Variants in CTNNA3 observed in about 807,000 individuals in gnomAD.
CTNNA3 encodes the protein catenin alpha-3.
Under a neutral mutation model 95.7 loss-of-function variants are expected in CTNNA3, and 76 were observed. That is an observed-to-expected ratio of 0.79 (90% CI 0.66 to 0.96). The LOEUF (loss-of-function observed/expected upper bound fraction) is 0.96. Ranked by LOEUF, CTNNA3 falls within the 40% of genes least tolerant of loss-of-function variation. CTNNA3 has a pLI of 0.00. For missense variants in CTNNA3, 1,191 were observed against 1,089.8 expected, an observed-to-expected ratio of 1.09 and a Z score of -1.31; for synonymous variants, 431 against 374.4, an observed-to-expected ratio of 1.15 and a Z score of -1.74.
chr10:67,124,333 G>GGTGTGT (rs141981196), intron 7 of CTNNA3, among the ~76,000 whole-genome samples: 4,285 of 141,824 alleles, frequency 0.03, 72 homozygotes, highest in African/African-American at 0.052. Context: ...GTGTGTTAGC[G>GGTGTGT]GTGTGTGTGT....
At chr10:67,344,538 T>G (rs1052805247) in intron 5 of CTNNA3, among the ~76,000 whole-genome samples, 1 of 152,146 alleles carries the variant, frequency 6.6e-6, no homozygotes, top group African/African-American at 2.4e-5. Context: ...GGTATTGATC[T>G]GTTCAGGTTT....
intron 7 of CTNNA3, among the ~76,000 whole-genome samples, chr10:67,094,214 A>C (rs1451913082): frequency 6.6e-6 from 1 of 151,918 alleles, no homozygotes; most frequent in East Asian, 1.9e-4. Context: ...TCCCTTACAA[A>C]TTTAGATAAT....
intron 5 of CTNNA3, among the ~76,000 whole-genome samples, chr10:67,444,595 G>A (rs1311900520): frequency 2.6e-5 from 4 of 151,850 alleles, no homozygotes; most frequent in Admixed American, 6.6e-5. Context: ...ACAAAAGATC[G>A]ATGAAATGAA....
At chr10:65,990,878 G>T (rs929978025) in intron 15 of CTNNA3, among the ~76,000 whole-genome samples, 1 of 151,900 alleles carries the variant, frequency 6.6e-6, no homozygotes, top group African/African-American at 2.4e-5. Flanking sequence ...TTTTCTTCAA[G>T]CAGTTTTATA....
At chr10:66,406,934 G>GT (rs1380784493) in intron 11 of CTNNA3, among the ~76,000 whole-genome samples, 1 of 152,032 alleles carries the variant, frequency 6.6e-6, no homozygotes, top group Admixed American at 6.6e-5. Context: ...GATTTCTTAA[G>GT]TTTTAAAAGG....
intron 7 of CTNNA3, among the ~76,000 whole-genome samples, chr10:66,824,046 CTT>C (rs57827121): frequency 6.8e-6 from 1 of 147,404 alleles, no homozygotes; most frequent in African/African-American, 2.5e-5. Flanking sequence ...ATGCCATACT[CTT>C]TTTTTTTTTT....
intron 8 of CTNNA3, among the ~76,000 whole-genome samples, chr10:66,771,985 G>C (rs1417966067): frequency 6.6e-6 from 1 of 151,962 alleles, no homozygotes; most frequent in Non-Finnish European, 1.5e-5. Context: ...CTGGAATTTA[G>C]TTGCTTATGA....
At chr10:66,197,329 T>A (rs975265388) in intron 13 of CTNNA3, among the ~76,000 whole-genome samples, 1 of 147,564 alleles carries the variant, frequency 6.8e-6, no homozygotes, top group Non-Finnish European at 1.5e-5. Flanking sequence ...AAGAACTCAA[T>A]CCAAATCTCT....
intron 5 of CTNNA3, among the ~76,000 whole-genome samples, chr10:67,223,302 G>A (rs1252956194): frequency 3.9e-5 from 6 of 152,306 alleles, no homozygotes; most frequent in African/African-American, 1.4e-4. Context: ...AGTGGTGTTT[G>A]TAGTTGTTTT....
intron 7 of CTNNA3, among the ~76,000 whole-genome samples, chr10:67,153,677 G>C (rs1260880235): frequency 3.3e-5 from 5 of 152,132 alleles, no homozygotes; most frequent in Admixed American, 1.3e-4. Flanking sequence ...TTTTACTCCT[G>C]GCTTCAAGAG....
chr10:67,342,041 T>C (rs1442284434), intron 5 of CTNNA3, among the ~76,000 whole-genome samples: 2 of 151,266 alleles, frequency 1.3e-5, no homozygotes, highest in Admixed American at 1.3e-4. Context: ...CCAGTTTTCT[T>C]TTGATTCGTA....
chr10:67,482,785 A>G (rs1405763010), intron 5 of CTNNA3, among the ~76,000 whole-genome samples: 4 of 151,984 alleles, frequency 2.6e-5, no homozygotes, highest in Non-Finnish European at 4.4e-5. Context: ...CCAACACTAT[A>G]TTGAATAGAA....
intron 9 of CTNNA3, among the ~76,000 whole-genome samples, chr10:66,656,695 A>G (rs1222320670): frequency 1.3e-5 from 2 of 152,090 alleles, no homozygotes; most frequent in African/African-American, 2.4e-5. Flanking sequence ...TGTCATGACA[A>G]TATTTGGATA....
chr10:66,019,745 A>G (rs561381363), intron 15 of CTNNA3, among the ~76,000 whole-genome samples: 7 of 152,286 alleles, frequency 4.6e-5, no homozygotes, highest in African/African-American at 1.7e-4. Flanking sequence ...TAGTTAAAAA[A>G]TTGCTTAGTG....
At chr10:66,941,069 G>A (rs1159777942) in intron 7 of CTNNA3, among the ~76,000 whole-genome samples, 1 of 152,198 alleles carries the variant, frequency 6.6e-6, no homozygotes, top group Admixed American at 6.5e-5. Context: ...GGGAAAGGCA[G>A]TTTAAGAAAT....
chr10:65,988,091 A>G (rs2078465018), intron 16 of CTNNA3, among the ~76,000 whole-genome samples: 1 of 152,138 alleles, frequency 6.6e-6, no homozygotes, highest in Non-Finnish European at 1.5e-5. Context: ...ACAGTTATAT[A>G]GGAGGAATAA....
intron 16 of CTNNA3, among the ~76,000 whole-genome samples, chr10:65,984,021 A>G (rs1177598748): frequency 1.3e-5 from 2 of 151,346 alleles, no homozygotes; most frequent in African/African-American, 2.4e-5. Flanking sequence ...TATGTAATAG[A>G]TGATATATAT....
chr10:67,539,125 A>G (rs993945508), intron 4 of CTNNA3, among the ~76,000 whole-genome samples: 1 of 152,164 alleles, frequency 6.6e-6, no homozygotes, highest in Non-Finnish European at 1.5e-5. Flanking sequence ...TAAATTTCCA[A>G]ATGTCTTCAA....
chr10:66,937,641 TCCTCAG>T (rs1302850058), intron 7 of CTNNA3, among the ~76,000 whole-genome samples: 2 of 152,094 alleles, frequency 1.3e-5, no homozygotes, highest in Non-Finnish European at 2.9e-5. Context: ...AAAACCAATG[TCCTCAG>T]CCTCCCAACA....
Sources: allele counts gnomAD v4.1 joint callset (sites outside exome capture counted in the v4.1 genomes callset), GRCh38; gene constraint gnomAD v4.1.1; transcripts MANE v1.5; gene names NCBI Gene and HGNC (gene_info 2026-07-23, HGNC 2026-07-21).